The following SVIL variants were observed in gnomAD, a reference collection of about 807,000 sequenced individuals.
The protein encoded by SVIL is supervillin.
Under a neutral mutation model 240.4 loss-of-function variants are expected in SVIL, and 101 were observed. The ratio of observed to expected loss-of-function variants is 0.42; its 90% CI spans 0.36 to 0.50. SVIL has a LOEUF of 0.50. Among genes scored for constraint, SVIL ranks in the 20% least tolerant of loss-of-function variants. The pLI is 0.01. For synonymous variants in SVIL, 999 were observed against 1,100.0 expected (o/e 0.91, Z 1.82); for missense variants, 2,512 against 2,818.7 (o/e 0.89, Z 2.46).
chr10:29,513,113 G>A (rs1173143146), intron 16 of SVIL, among the ~76,000 whole-genome samples: 1 of 152,244 alleles, frequency 6.6e-6, no homozygotes, highest in Non-Finnish European at 1.5e-5. Context: ...GATAAAAGAT[G>A]CACCATCATT....
intron 1 of SVIL, among the ~76,000 whole-genome samples, chr10:29,628,616 G>A (rs558530696): frequency 1.3e-5 from 2 of 152,172 alleles, no homozygotes; most frequent in Admixed American, 1.3e-4. Flanking sequence ...TTGGGTCTTC[G>A]CCCAGAACCG....
At chr10:29,595,173 A>G (rs1478413427) in intron 1 of SVIL, among the ~76,000 whole-genome samples, 1 of 152,224 alleles carries the variant, frequency 6.6e-6, no homozygotes, top group African/African-American at 2.4e-5. Context: ...TTCTGCGGGC[A>G]TGGAAGGAAG....
At position 29,529,719 on chromosome 10, in the gene SVIL, C is replaced by T; in HGVS notation, c.2232G>A (p.Val744=). Residue 744 remains valine (V), a synonymous_variant, in exon 12 of 38, where the codon GTG becomes GTA. Transcript: ENST00000355867. ...TGGGCACTTACGTGGCTGCGATGAC[C>T]ACCTCTTCAGTGGTGATGGGCTGGG... The part of the protein sequence containing the change: ...SLTQPITTEE[V]VIAATEPIPA... The T allele has an allele frequency of 8.1e-6, 13 of 1,607,434 alleles. No homozygotes were observed. Among genetic ancestry groups the T allele is most frequent in the Non-Finnish European group, 1.1e-5 (13 of 1,177,686 alleles).
chr10:29,462,393 G>C lies in SVIL; in HGVS notation c.6286C>G (p.Leu2096Val), dbSNP rs138838479. 7.4e-6 allele frequency: 12 copies of C among 1,613,936 alleles called. No individual in the cohort carries two copies. Among genetic ancestry groups the C allele is most frequent in the South Asian group, 1.1e-5 (1 of 91,050 alleles). Residue 2096 changes from leucine to valine, a missense_variant, in exon 36 of 38, where the codon CTC becomes GTC. Around this residue, in one of 3 missense-constraint regions of SVIL, gnomAD observed 797 missense variants for 925.3 expected, o/e 0.86. Transcript: ENST00000355867. ...TAAGACTTGGGGGCTGGTTTCTTGAGATTTTTTCCTGTAGTTACACAGATT... is the reference window on the plus strand; with the variant it reads ...TAAGACTTGGGGGCTGGTTTCTTGACATTTTTTCCTGTAGTTACACAGATT... ...TVLQYCKGKNLKKPAPKSYLI... is the reference protein window; with the variant it reads ...TVLQYCKGKNVKKPAPKSYLI...
chr10:29,654,168 T>A (rs1194620689), intron 3 of SVIL, among the ~76,000 whole-genome samples: 1 of 152,228 alleles, frequency 6.6e-6, no homozygotes, highest in African/African-American at 2.4e-5. Flanking sequence ...TTCTGATCCA[T>A]GCACATGGAA....
intron 2 of SVIL, among the ~76,000 whole-genome samples, chr10:29,668,122 A>C (rs2133052193): frequency 6.6e-6 from 1 of 152,302 alleles, no homozygotes; most frequent in East Asian, 1.9e-4. Flanking sequence ...AAGCTCCCTT[A>C]GCCATATAAA....
At position 29,526,956 on chromosome 10, in the gene SVIL, A is replaced by G; in HGVS notation, c.2342+5T>C. On this transcript the variant is annotated splice_donor_5th_base_variant and intron_variant, in intron 13 of 37. Coordinates refer to ENST00000355867, the MANE Select transcript of SVIL (RefSeq NM_021738.3). ...GTGCCGCATGCATCTGTATCTGTCC[A>G]GTACCTGGCAGGCTGCACAGCGCTC... is the stretch of plus-strand genomic sequence containing the variant. 6.3e-7 allele frequency: 1 copy of G among 1,591,342 alleles called. No individual in the cohort carries two copies. Among genetic ancestry groups the G allele is most frequent in the Non-Finnish European group, 8.5e-7 (1 of 1,171,970 alleles).
intron 1 of SVIL, among the ~76,000 whole-genome samples, chr10:29,592,245 CTT>C (rs1192533217): frequency 6.6e-6 from 1 of 152,118 alleles, no homozygotes; most frequent in African/African-American, 2.4e-5. Context: ...GAGTGAGACT[CTT>C]TCTCAAAAAT....
chr10:29,486,066 C>T lies in SVIL; in HGVS notation c.4779+19G>A. The T allele has an allele frequency of 6.2e-7, 1 of 1,614,056 alleles. No individual in the cohort carries two copies. Among genetic ancestry groups the T allele is most frequent in the South Asian group, 1.1e-5 (1 of 91,074 alleles). On this transcript the variant is annotated intron_variant, in intron 26 of 37. Coordinates refer to ENST00000355867, the MANE Select transcript of SVIL (RefSeq NM_021738.3). The stretch of plus-strand genomic sequence containing the variant: ...TTCAATGTGGTTTCTCACTGAAGGG[C>T]AGAGCCCACGGACTGTACCTCTTTG...
chr10:29,620,562 A>G (rs1957593120), intron 1 of SVIL, among the ~76,000 whole-genome samples: 1 of 152,372 alleles, frequency 6.6e-6, no homozygotes, highest in East Asian at 1.9e-4. Context: ...AATCCAATTC[A>G]ACTTGTGTAT....
At chr10:29,577,600 T>C (rs1033652198) in intron 1 of SVIL, among the ~76,000 whole-genome samples, 2 of 152,188 alleles carry the variant, frequency 1.3e-5, no homozygotes, top group African/African-American at 4.8e-5. Context: ...GGCACTTAGG[T>C]TGGTTCCATG....
At chr10:29,568,467 C>T (rs553875410) in intron 2 of SVIL, among the ~76,000 whole-genome samples, 2 of 152,108 alleles carry the variant, frequency 1.3e-5, no homozygotes, top group South Asian at 2.1e-4. Context: ...TGGGTCCTTC[C>T]GCTATAATGA....
At chr10:29,581,994 T>C (rs1313821410) in intron 1 of SVIL, among the ~76,000 whole-genome samples, 2 of 152,196 alleles carry the variant, frequency 1.3e-5, no homozygotes, top group African/African-American at 2.4e-5. Context: ...ATCCCACTTA[T>C]ATGAGGTTTC....
chr10:29,688,478 C>T (rs188661727), intron 1 of SVIL, among the ~76,000 whole-genome samples: 4 of 152,318 alleles, frequency 2.6e-5, no homozygotes, highest in East Asian at 1.9e-4. Context: ...TCCCTGGGAT[C>T]GCTATTTGCC....
chr10:29,719,010 T>C (rs1024008001), intron 1 of SVIL, among the ~76,000 whole-genome samples: 6 of 152,102 alleles, frequency 3.9e-5, no homozygotes, highest in African/African-American at 1.4e-4. Context: ...CTTGGGAGGC[T>C]GGCAGGAGAA....
rs140340941 is a variant in SVIL at position 29,732,090 on chromosome 10, CCTAA to C, written c.-400+3657_-400+3660del. ...AATGCACAAAAGCAGGGATCTTGCTCCTAACTCTTTACACGCCTCCAATTGGTTA... is the reference window on the plus strand; with the variant it reads ...AATGCACAAAAGCAGGGATCTTGCTCCTCTTTACACGCCTCCAATTGGTTA... On this transcript the variant is annotated intron_variant, in intron 1 of 35. Transcript: ENST00000375400. Among the ~76,000 whole-genome samples the C allele has an allele frequency of 1.5e-3, 227 of 152,314 alleles. 1 individual carries two copies. Among genetic ancestry groups the C allele is most frequent in the African/African-American group, 5.1e-3 (211 of 41,582 alleles).
At chr10:29,567,611 TC>T (rs1262177191) in intron 2 of SVIL, among the ~76,000 whole-genome samples, 1 of 152,228 alleles carries the variant, frequency 6.6e-6, no homozygotes. Flanking sequence ...TGTGTGACTT[TC>T]ATATTGCATG....
chr10:29,550,636 G>T lies in SVIL; in HGVS notation c.788C>A (p.Ser263Tyr). 6.2e-7 allele frequency: 1 copy of T among 1,613,548 alleles called. No homozygotes were observed. ...AGGGGATAGCTGTGGGTCACCAAAG[G>T]AGGGGCTCCGGGAGGCTGCCTGCTG... ...SLQQAASRSP[S>Y]FGDPQLSPEA... The change falls in exon 6 of 38, where the codon TCC becomes TAC. Residue 263 changes from serine to tyrosine, a missense_variant. By Grantham distance (144) the Ser-to-Tyr change is moderately radical. Coordinates refer to ENST00000355867, the MANE Select transcript of SVIL (RefSeq NM_021738.3).
Position 29,533,420 on chromosome 10 carries a change from G to C in SVIL, c.947C>G (p.Ala316Gly). ...VREKLVKEES[A>G]RNSPELASES... ...TGAGGCGAGTTCAGGGCTGTTTCGAGCACTTTCCTCTTTCACCAATTTTTC... is the reference window on the plus strand; with the variant it reads ...TGAGGCGAGTTCAGGGCTGTTTCGACCACTTTCCTCTTTCACCAATTTTTC... The change falls in exon 8 of 38, where the codon GCT (alanine) becomes GGT (glycine). Residue 316 changes from alanine to glycine, a missense_variant. This residue lies in a region of SVIL where 1,443 missense variants were observed against 1,486.6 expected (regional missense o/e 0.97). Coordinates refer to ENST00000355867, the MANE Select transcript of SVIL (RefSeq NM_021738.3). 1 of 1,613,614 alleles carries C rather than the reference G, an allele frequency of 6.2e-7. No homozygotes were observed.
Sources: gnomAD v4.1 joint callset for allele counts (sites outside exome capture counted in the v4.1 genomes callset) on GRCh38, gnomAD v4.1.1 for gene constraint, gnomAD v4.1.1 regional missense constraint, MANE v1.5 for transcripts, NCBI Gene and HGNC (gene_info 2026-07-23, HGNC 2026-07-21) for gene names.